Variants in ST6GALNAC3 observed in about 807,000 individuals in gnomAD.
ST6GALNAC3 encodes the protein alpha-N-acetylgalactosaminide alpha-2,6-sialyltransferase 3.
In ST6GALNAC3, 25 loss-of-function variants were observed where a neutral mutation model predicts 32.7. That is an observed-to-expected ratio of 0.76 (90% CI 0.56 to 1.07). The LOEUF is 1.07. Among genes scored for constraint, ST6GALNAC3 ranks in the 50% least tolerant of loss-of-function variants. The pLI, the probability that ST6GALNAC3 is intolerant of heterozygous loss-of-function variation, is 0.00. For synonymous variants in ST6GALNAC3, 129 were observed against 133.1 expected, an observed-to-expected ratio of 0.97 and a Z score of 0.21; for missense variants, 355 against 382.4, an observed-to-expected ratio of 0.93 and a Z score of 0.60.
At chr1:76,576,810 C>G (rs1646816795) in intron 3 of ST6GALNAC3, 1 of 1,300,640 alleles carries the variant, frequency 7.7e-7, no homozygotes, top group Non-Finnish European at 1.0e-6. Flanking sequence ...AACTAATTTT[C>G]TTCTGCCATT....
intron 1 of ST6GALNAC3, among the ~76,000 whole-genome samples, chr1:76,291,422 C>A (rs1325423921): frequency 6.6e-6 from 1 of 152,184 alleles, no homozygotes. Context: ...TTCAATGTGG[C>A]CTCGCTGCCC....
At chr1:76,081,311 T>C (rs1352382892) in intron 1 of ST6GALNAC3, among the ~76,000 whole-genome samples, 1 of 134,642 alleles carries the variant, frequency 7.4e-6, no homozygotes, top group Non-Finnish European at 1.6e-5. Flanking sequence ...AAAAAGCAAA[T>C]CGCAAAAGAA....
intron 3 of ST6GALNAC3, among the ~76,000 whole-genome samples, chr1:76,481,382 ATGG>A (rs1659712045): frequency 6.6e-6 from 1 of 152,176 alleles, no homozygotes; most frequent in African/African-American, 2.4e-5. Flanking sequence ...TGCTAAATGA[ATGG>A]TTTAGAGTAG....
chr1:76,104,915 C>T (rs934163260), intron 1 of ST6GALNAC3, among the ~76,000 whole-genome samples: 5 of 152,136 alleles, frequency 3.3e-5, no homozygotes, highest in African/African-American at 1.2e-4. Context: ...GACTTATTCA[C>T]TATCATGAAA....
chr1:76,508,832 T>C (rs1256971128), intron 3 of ST6GALNAC3, among the ~76,000 whole-genome samples: 1 of 152,160 alleles, frequency 6.6e-6, no homozygotes, highest in Admixed American at 6.5e-5. Context: ...AATATTCAGC[T>C]GATTTCTGAG....
chr1:76,309,366 T>C (rs1441185057), intron 1 of ST6GALNAC3, among the ~76,000 whole-genome samples: 3 of 152,138 alleles, frequency 2.0e-5, no homozygotes, highest in Admixed American at 1.3e-4. Context: ...TTGCATGATA[T>C]ACATGTGAGA....
intron 3 of ST6GALNAC3, among the ~76,000 whole-genome samples, chr1:76,464,774 C>T (rs1658515038): frequency 6.6e-6 from 1 of 152,084 alleles, no homozygotes; most frequent in Non-Finnish European, 1.5e-5. Flanking sequence ...TTCTTAATTC[C>T]ACTTTATAGA....
intron 1 of ST6GALNAC3, among the ~76,000 whole-genome samples, chr1:76,159,084 G>A (rs528712243): frequency 2.0e-5 from 3 of 152,350 alleles, no homozygotes; most frequent in African/African-American, 7.2e-5. Context: ...AGTGGAGATG[G>A]GAAAGTACTT....
chr1:76,431,238 A>T (rs1266571778), intron 3 of ST6GALNAC3, among the ~76,000 whole-genome samples: 1 of 152,174 alleles, frequency 6.6e-6, no homozygotes, highest in Admixed American at 6.5e-5. Flanking sequence ...AACACTGGGT[A>T]TGCTTGCCTC....
intron 2 of ST6GALNAC3, among the ~76,000 whole-genome samples, chr1:76,338,624 G>C (rs1318701254): frequency 8.5e-5 from 13 of 152,098 alleles, no homozygotes; most frequent in Admixed American, 8.5e-4. Flanking sequence ...AGCTGGGCAG[G>C]GAAGATGGGC....
At position 76,136,940 on chromosome 1, in the gene ST6GALNAC3, G is replaced by T. The variant is rs547377079; in HGVS notation, c.18+62056G>T. On this transcript the variant is annotated intron_variant, in intron 1 of 4. Transcript: ENST00000328299. Reference sequence around the variant, plus strand: ...CAGTGTCAGTCAATCCTAGGTGCTTGAAAAACATCTCATTTAGTCTTTACA... The same window carrying T: ...CAGTGTCAGTCAATCCTAGGTGCTTTAAAAACATCTCATTTAGTCTTTACA... 5.3e-5 allele frequency among the ~76,000 whole-genome samples: 8 copies of T among 152,266 alleles called. No individual in the cohort carries two copies. In the South Asian group the frequency reaches 1.7e-3, roughly 32 times the overall value.
intron 3 of ST6GALNAC3, among the ~76,000 whole-genome samples, chr1:76,486,098 A>T (rs1660092059): frequency 6.6e-6 from 1 of 152,190 alleles, no homozygotes; most frequent in Non-Finnish European, 1.5e-5. Flanking sequence ...ACAGTTTGTT[A>T]TAATTTCTGT....
At chr1:76,254,625 G>A (rs1227426779) in intron 1 of ST6GALNAC3, among the ~76,000 whole-genome samples, 2 of 152,116 alleles carry the variant, frequency 1.3e-5, no homozygotes, top group African/African-American at 4.8e-5. Flanking sequence ...ATTCAAGACT[G>A]CCCTATAGGC....
intron 3 of ST6GALNAC3, among the ~76,000 whole-genome samples, chr1:76,549,258 A>G (rs1223155201): frequency 1.3e-5 from 2 of 152,126 alleles, no homozygotes; most frequent in Non-Finnish European, 1.5e-5. Context: ...TCTCAAATCC[A>G]ATTGATGTCC....
intron 3 of ST6GALNAC3, among the ~76,000 whole-genome samples, chr1:76,592,559 C>T (rs983263385): frequency 6.9e-6 from 1 of 145,782 alleles, no homozygotes; most frequent in Non-Finnish European, 1.5e-5. Context: ...AAAATTGCTT[C>T]CCAGGAGAAA....
intron 1 of ST6GALNAC3, among the ~76,000 whole-genome samples, chr1:76,213,543 A>C (rs530843526): frequency 6.6e-6 from 1 of 152,346 alleles, no homozygotes; most frequent in African/African-American, 2.4e-5. Context: ...AAAGCAACAA[A>C]TACTGCAATC....
chr1:76,210,043 GT>G (rs11326234), intron 1 of ST6GALNAC3, among the ~76,000 whole-genome samples: 117,136 of 148,522 alleles, frequency 0.79, 46,755 homozygotes, highest in Non-Finnish European at 0.89. Context: ...TTAGAGCTGC[GT>G]TTTTTTTTTT....
At chr1:76,100,362 C>T (rs926615174) in intron 1 of ST6GALNAC3, among the ~76,000 whole-genome samples, 2 of 152,044 alleles carry the variant, frequency 1.3e-5, no homozygotes, top group Admixed American at 6.6e-5. Context: ...AAAGGAATTT[C>T]CCTTCTATTC....
At chr1:76,268,875 C>T (rs999425042) in intron 1 of ST6GALNAC3, among the ~76,000 whole-genome samples, 23 of 152,178 alleles carry the variant, frequency 1.5e-4, no homozygotes, top group African/African-American at 5.3e-4. Flanking sequence ...CTCCATCTTA[C>T]TCATTCCTCG....
Sources: allele counts gnomAD v4.1 joint callset (sites outside exome capture counted in the v4.1 genomes callset), GRCh38; gene constraint gnomAD v4.1.1; transcripts MANE v1.5; gene names NCBI Gene and HGNC (gene_info 2026-07-23, HGNC 2026-07-21).